The following FANCB variants were observed in gnomAD, a reference collection of about 807,000 sequenced individuals.
FANCB encodes FA complementation group B.
In FANCB, 5 loss-of-function variants were observed where a neutral mutation model predicts 38.9. That is an observed-to-expected ratio of 0.13 (90% CI 0.07 to 0.27). The LOEUF (loss-of-function observed/expected upper bound fraction) is 0.27, where lower values mean the gene tolerates loss of function less well. Among genes scored for constraint, FANCB ranks in the 10% least tolerant of loss-of-function variants. The pLI, the probability that FANCB is intolerant of heterozygous loss-of-function variation, is 1.00. For synonymous variants in FANCB, 236 were observed against 215.4 expected (o/e 1.10, Z -0.84); for missense variants, 573 against 602.7 (o/e 0.95, Z 0.52).
chrX:14,741,507 GC>G, the FANCB span, among the ~76,000 whole-genome samples: 3 of 111,068 alleles, frequency 2.7e-5, no homozygotes, highest in Non-Finnish European at 5.7e-5. Flanking sequence ...AGAATAAATC[GC>G]CCCAGCTAGT....
the FANCB span, among the ~76,000 whole-genome samples, chrX:14,762,667 G>A: frequency 8.9e-6 from 1 of 112,086 alleles, no homozygotes; most frequent in African/African-American, 3.2e-5. Flanking sequence ...CAAGGGAAAT[G>A]ACAACTAAGT....
the FANCB span, among the ~76,000 whole-genome samples, chrX:14,711,805 C>T: frequency 8.9e-6 from 1 of 112,474 alleles, no homozygotes; most frequent in Non-Finnish European, 1.9e-5. Flanking sequence ...AGAGTTTTCG[C>T]TCCAGAGCCC....
chrX:14,778,211 C>T, the FANCB span, among the ~76,000 whole-genome samples: 1 of 111,629 alleles, frequency 9.0e-6, no homozygotes, highest in Non-Finnish European at 1.9e-5. Flanking sequence ...TTTCTTTAGT[C>T]CAGTGATTCT....
At chrX:14,724,558 A>G in the FANCB span, among the ~76,000 whole-genome samples, 1 of 101,729 alleles carries the variant, frequency 9.8e-6, no homozygotes, top group South Asian at 5.1e-4. Flanking sequence ...CCCAGGAGGC[A>G]GAGGTTGCAG....
the FANCB span, among the ~76,000 whole-genome samples, chrX:14,767,282 T>C: frequency 3.6e-5 from 4 of 112,020 alleles, no homozygotes; most frequent in African/African-American, 1.3e-4. Flanking sequence ...TCCATAATGG[T>C]TGAATTAATT....
chrX:14,702,659 G>C, the FANCB span, among the ~76,000 whole-genome samples: 17 of 111,205 alleles, frequency 1.5e-4, no homozygotes, highest in Non-Finnish European at 3.8e-5. Context: ...CACTTCTGTA[G>C]GTCCAAAATG....
At chrX:14,835,157 C>A, downstream of FANCB, 1 of 534,308 alleles carries the variant, frequency 1.9e-6, no homozygotes, top group South Asian at 2.3e-5. Flanking sequence ...ATGTGCAGTT[C>A]ATCCTTTGCA....
the FANCB span, among the ~76,000 whole-genome samples, chrX:14,792,555 G>A: frequency 5.4e-5 from 6 of 111,077 alleles, no homozygotes; most frequent in African/African-American, 2.0e-4. Flanking sequence ...TATTTTAAAA[G>A]GAGTCAAGAA....
the FANCB span, among the ~76,000 whole-genome samples, chrX:14,766,026 G>C: frequency 9.0e-6 from 1 of 111,344 alleles, no homozygotes. Context: ...CTAGGGGCAG[G>C]TATTACTGGA....
chrX:14,719,794 A>G, the FANCB span, among the ~76,000 whole-genome samples: 6 of 112,285 alleles, frequency 5.3e-5, no homozygotes, highest in Non-Finnish European at 1.1e-4. Context: ...CATAAAATCA[A>G]CATACATATC....
At chrX:14,846,632 A>T (rs1489029767) in intron 7 of FANCB, among the ~76,000 whole-genome samples, 1 of 111,691 alleles carries the variant, frequency 9.0e-6, no homozygotes, top group Non-Finnish European at 1.9e-5. Context: ...CAGTGGAAGA[A>T]AACAATACTA....
the FANCB span, among the ~76,000 whole-genome samples, chrX:14,691,336 T>C: frequency 8.6e-5 from 9 of 104,427 alleles, no homozygotes; most frequent in East Asian, 3.2e-4. Flanking sequence ...CGCGCGTGCG[T>C]GCGTGTACAT....
Position 14,844,535 on chromosome X carries a change from T to C in FANCB, c.2133A>G (p.Thr711=). 8.3e-7 allele frequency: 1 copy of C among 1,202,001 alleles called. No homozygotes were observed. Among genetic ancestry groups the C allele is most frequent in the Non-Finnish European group, 1.1e-6 (1 of 886,457 alleles). The change falls in exon 9 of 10, where the codon ACA becomes ACG. Residue 711 remains threonine (T), a synonymous_variant. Coordinates refer to ENST00000650831, the MANE Select transcript of FANCB (RefSeq NM_001018113.3). The part of the protein sequence containing the change: ...YGTLFTWKQR[T]PFEGILIIYS... ...AGATTATTAAAATCCCTTCGAATGG[T>C]GTTCTCTGTTTCCAAGTGAAGAGTG... is the stretch of plus-strand genomic sequence containing the variant.
chrX:14,745,717 T>C, the FANCB span, among the ~76,000 whole-genome samples: 4 of 44,865 alleles, frequency 8.9e-5, no homozygotes, highest in South Asian at 3.7e-3. Flanking sequence ...TTTTTTTTTT[T>C]GAGACAGAGT....
the FANCB span, among the ~76,000 whole-genome samples, chrX:14,723,171 T>A: frequency 3.6e-5 from 4 of 112,093 alleles, no homozygotes; most frequent in African/African-American, 9.7e-5. Context: ...TCTATTCGAA[T>A]GTCTCAAGTG....
the FANCB span, among the ~76,000 whole-genome samples, chrX:14,796,691 T>TACACACAC: frequency 2.1e-4 from 15 of 71,966 alleles, no homozygotes; most frequent in African/African-American, 7.3e-4. Context: ...CACGTCTATA[T>TACACACAC]ATACACACAC....
chrX:14,823,403 C>T, the FANCB span, among the ~76,000 whole-genome samples: 4 of 111,745 alleles, frequency 3.6e-5, no homozygotes, highest in Non-Finnish European at 5.6e-5. Context: ...TTTTACCTTT[C>T]TGTATCTTAC....
intron 5 of FANCB, among the ~76,000 whole-genome samples, chrX:14,856,530 TC>T (rs993654489): frequency 4.5e-5 from 5 of 112,211 alleles, no homozygotes; most frequent in African/African-American, 1.6e-4. Flanking sequence ...ATGATGTTTA[TC>T]TATTGTTCAA....
At chrX:14,751,250 C>G in the FANCB span, among the ~76,000 whole-genome samples, 9 of 112,249 alleles carry the variant, frequency 8.0e-5, no homozygotes, top group Non-Finnish European at 1.3e-4. Flanking sequence ...TCATGCTCAC[C>G]AAGTGTACAA....
Sources: gnomAD v4.1 joint callset for allele counts (sites outside exome capture counted in the v4.1 genomes callset) on GRCh38, gnomAD v4.1.1 for gene constraint, MANE v1.5 for transcripts, NCBI Gene and HGNC (gene_info 2026-07-23, HGNC 2026-07-21) for gene names.